The following ARHGAP15 variants were observed in gnomAD, a reference collection of about 807,000 sequenced individuals.
ARHGAP15 encodes Rho GTPase activating protein 15.
ARHGAP15 carries 51 observed loss-of-function variants against 63.7 expected under a neutral mutation model. That is an observed-to-expected ratio of 0.80 (90% CI 0.64 to 1.01). ARHGAP15 has a LOEUF of 1.01. ARHGAP15 is among the 50% of genes least tolerant of loss of function. The pLI, the probability that ARHGAP15 is intolerant of heterozygous loss-of-function variation, is 0.00. For synonymous variants in ARHGAP15, 191 were observed against 193.8 expected, an observed-to-expected ratio of 0.99 and a Z score of 0.12; for missense variants, 560 against 564.6, an observed-to-expected ratio of 0.99 and a Z score of 0.08.
At chr2:143,503,095 A>G (rs1204594238) in intron 9 of ARHGAP15, among the ~76,000 whole-genome samples, 1 of 152,236 alleles carries the variant, frequency 6.6e-6, no homozygotes, top group East Asian at 1.9e-4. Flanking sequence ...CTTTTGGCTC[A>G]GCCTTTTGCC....
At chr2:143,197,379 T>G (rs1316228003) in intron 2 of ARHGAP15, among the ~76,000 whole-genome samples, 1 of 152,012 alleles carries the variant, frequency 6.6e-6, no homozygotes, top group African/African-American at 2.4e-5. Flanking sequence ...AATAATAAGC[T>G]ATTAATCGAT....
intron 11 of ARHGAP15, among the ~76,000 whole-genome samples, chr2:143,582,329 A>G (rs1259229284): frequency 6.6e-6 from 1 of 152,172 alleles, no homozygotes; most frequent in Non-Finnish European, 1.5e-5. Context: ...AATTGTGGTA[A>G]TTCCTGTTTC....
intron 6 of ARHGAP15, among the ~76,000 whole-genome samples, chr2:143,348,614 A>G (rs1685410929): frequency 6.6e-6 from 1 of 152,160 alleles, no homozygotes; most frequent in South Asian, 2.1e-4. Flanking sequence ...TCACGTTGCT[A>G]AAAGTGGTAA....
chr2:143,612,799 C>T (rs1239864393), intron 11 of ARHGAP15, among the ~76,000 whole-genome samples: 5 of 152,208 alleles, frequency 3.3e-5, no homozygotes, highest in Non-Finnish European at 5.9e-5. Flanking sequence ...TGAACCTGAA[C>T]AAGTTCCTTG....
intron 6 of ARHGAP15, among the ~76,000 whole-genome samples, chr2:143,378,993 T>G (rs960840501): frequency 2.0e-5 from 3 of 151,910 alleles, no homozygotes; most frequent in Admixed American, 1.3e-4. Flanking sequence ...ATTTTTTATT[T>G]ATTTATTTTT....
chr2:143,359,518 C>T (rs1179342449), intron 6 of ARHGAP15, among the ~76,000 whole-genome samples: 2 of 152,028 alleles, frequency 1.3e-5, no homozygotes, highest in Non-Finnish European at 1.5e-5. Context: ...CTTGCCAGTG[C>T]CTTCATCCCT....
intron 12 of ARHGAP15, among the ~76,000 whole-genome samples, chr2:143,635,759 TA>T (rs1186387562): frequency 1.3e-5 from 2 of 152,246 alleles, no homozygotes; most frequent in East Asian, 3.9e-4. Flanking sequence ...GGAAAATGAA[TA>T]CACTATTATA....
chr2:143,373,649 A>AAAAAAAAAAAAAC (rs1558928209), intron 6 of ARHGAP15, among the ~76,000 whole-genome samples: 1 of 127,800 alleles, frequency 7.8e-6, no homozygotes, highest in Non-Finnish European at 1.7e-5. Flanking sequence ...AAAAAAAAAA[A>AAAAAAAAAAAAAC]AAAAAAAAAA....
chr2:143,153,857 C>T (rs13020731), intron 1 of ARHGAP15, among the ~76,000 whole-genome samples: 1 of 81,682 alleles, frequency 1.2e-5, no homozygotes, highest in Non-Finnish European at 2.9e-5. Flanking sequence ...TCCTCCTCCT[C>T]CTCCTCCTCC....
At chr2:143,585,144 A>G (rs190796761) in intron 11 of ARHGAP15, among the ~76,000 whole-genome samples, 2 of 152,288 alleles carry the variant, frequency 1.3e-5, no homozygotes, top group Admixed American at 1.3e-4. Flanking sequence ...CTAAAACTAA[A>G]AGAATGCAGA....
At chr2:143,246,700 G>C (rs989550837) in intron 5 of ARHGAP15, among the ~76,000 whole-genome samples, 1 of 151,930 alleles carries the variant, frequency 6.6e-6, no homozygotes, top group Non-Finnish European at 1.5e-5. Flanking sequence ...AGTGACTGTG[G>C]AATCAGGAAT....
chr2:143,395,675 G>C (rs1039750111), intron 6 of ARHGAP15, among the ~76,000 whole-genome samples: 1 of 152,028 alleles, frequency 6.6e-6, no homozygotes, highest in African/African-American at 2.4e-5. Flanking sequence ...AGTGAAAAGA[G>C]AATCTAAAAG....
chr2:143,731,167 C>T (rs191959573), intron 13 of ARHGAP15, among the ~76,000 whole-genome samples: 93 of 152,232 alleles, frequency 6.1e-4, no homozygotes, highest in African/African-American at 2.1e-3. Context: ...CCCAAGTCAT[C>T]TAGCCACTTT....
chr2:143,580,599 C>T (rs1052990155), intron 11 of ARHGAP15, among the ~76,000 whole-genome samples: 57 of 152,202 alleles, frequency 3.7e-4, no homozygotes, highest in African/African-American at 1.2e-3. Context: ...CATTTTCTTA[C>T]TCATCCTTCT....
At chr2:143,185,821 A>C (rs1691424798) in intron 2 of ARHGAP15, among the ~76,000 whole-genome samples, 2 of 152,146 alleles carry the variant, frequency 1.3e-5, no homozygotes. Context: ...TATATTTAAA[A>C]ATTTTCTAAC....
chr2:143,501,018 C>T (rs1205836637), intron 9 of ARHGAP15, among the ~76,000 whole-genome samples: 2 of 152,102 alleles, frequency 1.3e-5, no homozygotes, highest in Non-Finnish European at 2.9e-5. Context: ...ACTTGGAACT[C>T]AGATTCATAG....
intron 11 of ARHGAP15, among the ~76,000 whole-genome samples, chr2:143,582,133 CTG>C (rs1448918115): frequency 6.6e-6 from 1 of 152,128 alleles, no homozygotes; most frequent in Non-Finnish European, 1.5e-5. Flanking sequence ...TACCTTGCCT[CTG>C]TGTATTTGAC....
chr2:143,453,430 G>T (rs952984190), intron 8 of ARHGAP15, among the ~76,000 whole-genome samples: 7 of 151,952 alleles, frequency 4.6e-5, no homozygotes, highest in African/African-American at 1.4e-4. Flanking sequence ...GCATAAATTA[G>T]ATTAAGTAAT....
At chr2:143,678,394 T>A (rs541961607) in intron 12 of ARHGAP15, among the ~76,000 whole-genome samples, 1 of 152,324 alleles carries the variant, frequency 6.6e-6, no homozygotes, top group South Asian at 2.1e-4. Context: ...CAATAAAAAG[T>A]CAAGAAAAAA....
Sources: allele counts gnomAD v4.1 joint callset (sites outside exome capture counted in the v4.1 genomes callset), GRCh38; gene constraint gnomAD v4.1.1; transcripts MANE v1.5; gene names NCBI Gene and HGNC (gene_info 2026-07-23, HGNC 2026-07-21).